Variants in RABGAP1L observed in about 807,000 individuals in gnomAD.
RABGAP1L encodes the protein RAB GTPase activating protein 1 like.
Under a neutral mutation model 137.7 loss-of-function variants are expected in RABGAP1L, and 63 were observed. That is an observed-to-expected ratio of 0.46 (90% confidence interval 0.37 to 0.56). The LOEUF (loss-of-function observed/expected upper bound fraction) is 0.56. Ranked by LOEUF, RABGAP1L falls within the 20% of genes least tolerant of loss-of-function variation. The pLI is 0.00. For missense variants in RABGAP1L, 1,095 were observed against 1,244.0 expected, an observed-to-expected ratio of 0.88 and a Z score of 1.80; for synonymous variants, 431 against 433.7, an observed-to-expected ratio of 0.99 and a Z score of 0.08.
intron 13 of RABGAP1L, among the ~76,000 whole-genome samples, chr1:174,536,172 C>G (rs1320134978): frequency 6.6e-6 from 1 of 151,354 alleles, no homozygotes; most frequent in African/African-American, 2.4e-5. Context: ...TTGGAACATT[C>G]ATTCAAAATG....
intron 19 of RABGAP1L, among the ~76,000 whole-genome samples, chr1:174,883,415 C>T (rs529526990): frequency 9.5e-4 from 145 of 152,192 alleles, no homozygotes; most frequent in Non-Finnish European, 1.6e-3. Context: ...ACCCTGGAGA[C>T]GCAGGAGGAG....
chr1:174,939,684 T>C (rs1483710217), intron 19 of RABGAP1L, among the ~76,000 whole-genome samples: 1 of 152,244 alleles, frequency 6.6e-6, no homozygotes, highest in Non-Finnish European at 1.5e-5. Flanking sequence ...GAGGTAATTA[T>C]TGGCTCTGTC....
intron 13 of RABGAP1L, among the ~76,000 whole-genome samples, chr1:174,422,862 G>A (rs181518102): frequency 3.4e-5 from 5 of 148,862 alleles, no homozygotes; most frequent in South Asian, 4.2e-4. Context: ...CACGAGAATC[G>A]CTTGAACCCC....
intron 13 of RABGAP1L, among the ~76,000 whole-genome samples, chr1:174,611,900 T>C (rs961637461): frequency 1.3e-5 from 2 of 152,230 alleles, no homozygotes; most frequent in Admixed American, 6.5e-5. Context: ...TTTTGCACAT[T>C]GATTTTGTTT....
At chr1:174,270,443 G>GAGGGTGGGAGAGCGGGGTGA (rs1674457334) in intron 7 of RABGAP1L, among the ~76,000 whole-genome samples, 1 of 152,084 alleles carries the variant, frequency 6.6e-6, no homozygotes, top group Non-Finnish European at 1.5e-5. Flanking sequence ...CAAAAGGTAG[G>GAGGGTGGGAGAGCGGGGTGA]AGGGTGGGAG....
At chr1:174,952,540 T>C (rs561058483) in intron 19 of RABGAP1L, among the ~76,000 whole-genome samples, 50 of 152,002 alleles carry the variant, frequency 3.3e-4, no homozygotes, top group Non-Finnish European at 6.3e-4. Flanking sequence ...TTGAGTTTGA[T>C]AATCAGGAAA....
intron 10 of RABGAP1L, among the ~76,000 whole-genome samples, chr1:174,284,841 T>C (rs1675922840): frequency 1.3e-5 from 2 of 149,852 alleles, no homozygotes. Flanking sequence ...TCGGGTTCTA[T>C]ATGAATTTTA....
chr1:174,786,336 T>C (rs1442588003), intron 18 of RABGAP1L, among the ~76,000 whole-genome samples: 1 of 152,262 alleles, frequency 6.6e-6, no homozygotes, highest in African/African-American at 2.4e-5. Flanking sequence ...TAACACTTTA[T>C]TAGTTATAGC....
chr1:174,376,313 G>C lies in RABGAP1L; in HGVS notation c.1559+5241G>C, dbSNP rs138678273. On this transcript the variant is annotated intron_variant, in intron 12 of 25. Coordinates refer to ENST00000681986, the MANE Select transcript of RABGAP1L (RefSeq NM_001366446.1). ...CATAAACTTTCCAGAATATATAAGT[G>C]AAGGCAATACTTTCCAGCTAATTTA... Among the ~76,000 whole-genome samples, 104 of 152,208 alleles carry C rather than the reference G, an allele frequency of 6.8e-4. 1 individual carries two copies. The highest frequency in any genetic ancestry group is 2.3e-3 in the African/African-American group (95 of 41,544).
chr1:174,877,588 A>T, intron 19 of RABGAP1L: 1 of 1,613,494 alleles, frequency 6.2e-7, no homozygotes. Flanking sequence ...GGTGGCCATC[A>T]GCAAGCCCAG....
chr1:174,889,538 A>T (rs1485289109), intron 19 of RABGAP1L, among the ~76,000 whole-genome samples: 1 of 151,946 alleles, frequency 6.6e-6, no homozygotes, highest in African/African-American at 2.4e-5. Context: ...CTCCTGCTTC[A>T]ACCTCTCAAG....
chr1:174,516,964 TAAATA>T (rs1224607620), intron 13 of RABGAP1L, among the ~76,000 whole-genome samples: 13 of 149,378 alleles, frequency 8.7e-5, no homozygotes, highest in African/African-American at 3.0e-4. Flanking sequence ...AATAAATAAA[TAAATA>T]AAATAAATTA....
chr1:174,546,708 T>G (rs575312349), intron 13 of RABGAP1L, among the ~76,000 whole-genome samples: 151 of 152,302 alleles, frequency 9.9e-4, no homozygotes, highest in African/African-American at 3.4e-3. Context: ...TAGCTATTTG[T>G]TTTTAGTAAA....
chr1:174,194,664 C>T (rs1484546651), intron 1 of RABGAP1L, among the ~76,000 whole-genome samples: 1 of 152,200 alleles, frequency 6.6e-6, no homozygotes, highest in East Asian at 1.9e-4. Flanking sequence ...AGTTACCTGA[C>T]ATCTGGTGGG....
At chr1:174,675,113 T>C (rs904089571) in intron 14 of RABGAP1L, among the ~76,000 whole-genome samples, 3 of 152,154 alleles carry the variant, frequency 2.0e-5, no homozygotes, top group African/African-American at 7.2e-5. Flanking sequence ...TTTGTCAATT[T>C]TGGCTTTTGT....
At chr1:174,727,467 C>T (rs1257986199) in intron 17 of RABGAP1L, among the ~76,000 whole-genome samples, 1 of 152,078 alleles carries the variant, frequency 6.6e-6, no homozygotes, top group South Asian at 2.1e-4. Context: ...GATACTGCCC[C>T]CACAGAATGC....
At chr1:174,613,506 T>A (rs1671474815) in intron 13 of RABGAP1L, among the ~76,000 whole-genome samples, 1 of 152,114 alleles carries the variant, frequency 6.6e-6, no homozygotes, top group African/African-American at 2.4e-5. Context: ...ATAGGTGTGG[T>A]TTGGTGCTGA....
chr1:174,473,875 A>G (rs1234774718), intron 13 of RABGAP1L, among the ~76,000 whole-genome samples: 1 of 152,216 alleles, frequency 6.6e-6, no homozygotes, highest in East Asian at 1.9e-4. Context: ...GTTGTAGTAG[A>G]GATGAGAAAA....
At chr1:174,890,161 G>T (rs935480725) in intron 19 of RABGAP1L, among the ~76,000 whole-genome samples, 1 of 152,228 alleles carries the variant, frequency 6.6e-6, no homozygotes, top group Admixed American at 6.5e-5. Context: ...ACTGTGTTAA[G>T]CTTTGAGACA....
Sources: gnomAD v4.1 joint callset for allele counts (sites outside exome capture counted in the v4.1 genomes callset) on GRCh38, gnomAD v4.1.1 for gene constraint, MANE v1.5 for transcripts, NCBI Gene and HGNC (gene_info 2026-07-23, HGNC 2026-07-21) for gene names.